The following MACO1 variants were observed in gnomAD, a reference collection of about 807,000 sequenced individuals.
MACO1 encodes the protein macoilin 1.
Under a neutral mutation model 78.7 loss-of-function variants are expected in MACO1, and 14 were observed. The observed-to-expected ratio is 0.18, with a 90% CI of 0.12 to 0.28. MACO1 has a LOEUF of 0.28. MACO1 is among the 10% of genes least tolerant of loss of function. MACO1 has a pLI of 1.00. For synonymous variants in MACO1, 288 were observed against 291.6 expected (o/e 0.99, Z 0.12); for missense variants, 501 against 799.0 (o/e 0.63, Z 4.50).
intron 9 of MACO1, among the ~76,000 whole-genome samples, chr1:25,490,498 G>A (rs2043475854): frequency 6.6e-6 from 1 of 152,176 alleles, no homozygotes; most frequent in Non-Finnish European, 1.5e-5. Context: ...TACATTGCTG[G>A]TAGAAATGTA....
chr1:25,448,334 A>G (rs2043033691), intron 2 of MACO1, among the ~76,000 whole-genome samples: 2 of 152,134 alleles, frequency 1.3e-5, no homozygotes, highest in Non-Finnish European at 2.9e-5. Context: ...TGTAGTGGCA[A>G]GTGCCTACAG....
chr1:25,438,068 G>C (rs1392478705), intron 1 of MACO1, among the ~76,000 whole-genome samples: 2 of 152,142 alleles, frequency 1.3e-5, no homozygotes, highest in Non-Finnish European at 2.9e-5. Flanking sequence ...CGGTTTTGTA[G>C]TATAACATTT....
At chr1:25,481,122 G>A (rs772766193) in intron 6 of MACO1, among the ~76,000 whole-genome samples, 13 of 151,454 alleles carry the variant, frequency 8.6e-5, no homozygotes, top group Admixed American at 3.3e-4. Flanking sequence ...AGTTTGTGGT[G>A]GGAAAAGATT....
rs66568068 is a variant in MACO1 at position 25,454,398 on chromosome 1, A to ATG, written c.473+18_473+19dup. 0.4 allele frequency: 603,813 copies of ATG among 1,512,424 alleles called. 106,518 individuals carry two copies. Among genetic ancestry groups the ATG allele is most frequent in the East Asian group, 0.6 (23,904 of 39,802 alleles). The allele number at this position is 1,512,424 out of a possible 1,614,324, so 93.7% of individuals were successfully genotyped here. ...CTGCTCACTGGTAAGTATTACATAA[A>ATG]TGTATGTGTGTGTGTGTGTATATGT... On this transcript the variant is annotated intron_variant, in intron 4 of 10. Transcript: ENST00000374343.
At chr1:25,432,244 A>G (rs2042881875) in intron 1 of MACO1, among the ~76,000 whole-genome samples, 1 of 152,220 alleles carries the variant, frequency 6.6e-6, no homozygotes, top group Non-Finnish European at 1.5e-5. Context: ...GTAGCTGATG[A>G]CACCCAAGTT....
intron 10 of MACO1, among the ~76,000 whole-genome samples, chr1:25,497,050 A>G (rs1245251565): frequency 2.0e-5 from 3 of 152,234 alleles, no homozygotes; most frequent in Non-Finnish European, 4.4e-5. Context: ...TTTTGTCATT[A>G]TAAGTGACAG....
chr1:25,479,255 T>A lies in MACO1; in HGVS notation c.1155-4861T>A, dbSNP rs187999437. ...TTAACACCACTTAATAAAAACTTCT[T>A]TGTACTTCACACTAATAAATTATAT... On this transcript the variant is annotated intron_variant, in intron 6 of 10. Coordinates refer to ENST00000374343, the MANE Select transcript of MACO1 (RefSeq NM_018202.6). Among the ~76,000 whole-genome samples the A allele has an allele frequency of 5.3e-3, 806 of 152,322 alleles. 6 individuals are homozygous for A. Among genetic ancestry groups the A allele is most frequent in the African/African-American group, 0.018 (745 of 41,562 alleles).
intron 6 of MACO1, 134 bp downstream of exon 6, chr1:25,459,026 GTT>G: frequency 8.7e-7 from 1 of 1,145,540 alleles, no homozygotes; most frequent in Non-Finnish European, 1.2e-6. Context: ...TTTTACATGA[GTT>G]TGTTGGCCAC....
Position 25,431,212 on chromosome 1 carries a change from G to GCGCGGT in MACO1, c.80+35_80+36insGCGGTC. On this transcript the variant is annotated intron_variant, in intron 1 of 10. Coordinates refer to ENST00000374343, the MANE Select transcript of MACO1 (RefSeq NM_018202.6). ...CTGCACCCCCACTCCGCGGGCGCGGGCCCTGCGGTCCCCCTCCAGCTCCGA... is the reference window on the plus strand; with the variant it reads ...CTGCACCCCCACTCCGCGGGCGCGGGCGCGGTCCCTGCGGTCCCCCTCCAGCTCCGA... The GCGCGGT allele has an allele frequency of 1.9e-6, 3 of 1,545,652 alleles. No homozygotes were observed. In the South Asian group the frequency reaches 3.5e-5, roughly 18 times the overall value.
At chr1:25,496,763 G>A (rs1039820617) in intron 10 of MACO1, among the ~76,000 whole-genome samples, 8 of 151,862 alleles carry the variant, frequency 5.3e-5, no homozygotes, top group Non-Finnish European at 1.2e-4. Context: ...GCAGAGAGAC[G>A]ATGGACACAG....
intron 4 of MACO1, among the ~76,000 whole-genome samples, chr1:25,455,701 A>G (rs1342991901): frequency 6.6e-6 from 1 of 152,204 alleles, no homozygotes; most frequent in East Asian, 1.9e-4. Flanking sequence ...TACAAACCAA[A>G]TCTTGGCACT....
At chr1:25,464,664 C>G (rs536605573) in intron 6 of MACO1, among the ~76,000 whole-genome samples, 8 of 96,682 alleles carry the variant, frequency 8.3e-5, no homozygotes, top group Non-Finnish European at 1.7e-4. Context: ...TCCCCCACCC[C>G]CCCCCTCCGC....
In MACO1 at chr1:25,431,224, C is replaced by T. The variant is rs759320004; in HGVS notation, c.80+46C>T. 1.5e-5 allele frequency: 22 copies of T among 1,466,792 alleles called. No homozygotes were observed. In the East Asian group the frequency reaches 2.5e-4, roughly 17 times the overall value. The allele number at this position is 1,466,792 out of a possible 1,614,324, so 90.9% of individuals were successfully genotyped here. A position where few individuals can be genotyped will look rare whatever the true frequency, so the allele number is the denominator to read the frequency against. On this transcript the variant is annotated intron_variant, in intron 1 of 10. Coordinates refer to ENST00000374343, the MANE Select transcript of MACO1 (RefSeq NM_018202.6). Reference sequence around the variant, plus strand: ...TCCGCGGGCGCGGGCCCTGCGGTCCCCCTCCAGCTCCGAGGGGCCTGGCCC... The same window carrying T: ...TCCGCGGGCGCGGGCCCTGCGGTCCTCCTCCAGCTCCGAGGGGCCTGGCCC...
chr1:25,434,268 C>G (rs1447719181), intron 1 of MACO1, among the ~76,000 whole-genome samples: 1 of 152,164 alleles, frequency 6.6e-6, no homozygotes, highest in African/African-American at 2.4e-5. Context: ...TTTCATCTTA[C>G]TAGGGGCTAA....
chr1:25,443,644 T>C (rs1408589791), intron 1 of MACO1, among the ~76,000 whole-genome samples: 3 of 152,272 alleles, frequency 2.0e-5, no homozygotes, highest in Non-Finnish European at 4.4e-5. Context: ...TAGTTTTAAA[T>C]GATTGAATTA....
intron 2 of MACO1, among the ~76,000 whole-genome samples, chr1:25,447,706 A>G (rs1346159965): frequency 2.0e-5 from 3 of 152,198 alleles, no homozygotes; most frequent in Non-Finnish European, 4.4e-5. Context: ...AAGGCAGATA[A>G]CATCTTAGTA....
intron 3 of MACO1, among the ~76,000 whole-genome samples, chr1:25,451,936 AAAAAAAG>A (rs968808636): frequency 3.9e-5 from 6 of 151,950 alleles, no homozygotes; most frequent in African/African-American, 1.5e-4. Context: ...TGTCTCCAAA[AAAAAAAG>A]AAAAAAGAAA....
intron 10 of MACO1, among the ~76,000 whole-genome samples, chr1:25,495,055 C>G (rs2043522761): frequency 6.6e-6 from 1 of 152,164 alleles, no homozygotes; most frequent in Non-Finnish European, 1.5e-5. Context: ...AGAAGGTTCC[C>G]AGGAATCCTG....
chr1:25,465,781 C>T (rs1431202925), intron 6 of MACO1, among the ~76,000 whole-genome samples: 1 of 152,164 alleles, frequency 6.6e-6, no homozygotes, highest in African/African-American at 2.4e-5. Flanking sequence ...CTCGTCTTTC[C>T]GAGTCTGCAT....
Sources: allele counts gnomAD v4.1 joint callset (sites outside exome capture counted in the v4.1 genomes callset), GRCh38; gene constraint gnomAD v4.1.1; transcripts MANE v1.5; gene names NCBI Gene and HGNC (gene_info 2026-07-23, HGNC 2026-07-21).